SH3D19: variants seen among roughly 807,000 people sequenced by gnomAD.
SH3D19 encodes SH3 domain containing 19.
SH3D19 carries 58 observed loss-of-function variants against 112.1 expected under a neutral mutation model. The ratio of observed to expected loss-of-function variants is 0.52; its 90% CI spans 0.42 to 0.64. The LOEUF is 0.64. SH3D19 is among the 30% of genes least tolerant of loss of function. The probability of loss-of-function intolerance (pLI) is 0.00; values close to 1 mark genes in which losing one functional copy is unlikely to be tolerated. For synonymous variants in SH3D19, 391 were observed against 448.5 expected (o/e 0.87, Z 1.62); for missense variants, 1,090 against 1,263.4 (o/e 0.86, Z 2.08).
At chr4:151,312,171 T>C (rs992390116) in intron 1 of SH3D19, among the ~76,000 whole-genome samples, 3 of 152,102 alleles carry the variant, frequency 2.0e-5, no homozygotes, top group Non-Finnish European at 4.4e-5. Flanking sequence ...TCAATTTTCA[T>C]TAGTGAATTA....
intron 1 of SH3D19, among the ~76,000 whole-genome samples, chr4:151,310,484 TAC>T (rs1729340890): frequency 6.6e-6 from 1 of 152,046 alleles, no homozygotes; most frequent in Admixed American, 6.6e-5. Context: ...TGGAAAACAG[TAC>T]AGAGGTTCCT....
intron 9 of SH3D19, among the ~76,000 whole-genome samples, chr4:151,150,114 G>A (rs1273479526): frequency 7.2e-6 from 1 of 139,542 alleles, no homozygotes; most frequent in Non-Finnish European, 1.5e-5. Flanking sequence ...GAACCCAGGA[G>A]GCAGAGGTTG....
At chr4:151,193,701 G>A (rs1180298136) in intron 2 of SH3D19, among the ~76,000 whole-genome samples, 3 of 152,130 alleles carry the variant, frequency 2.0e-5, no homozygotes, top group Non-Finnish European at 4.4e-5. Flanking sequence ...TTTGGGAAGA[G>A]GTATGGTGCA....
At chr4:151,275,825 C>CTATTAT (rs1200765508) in intron 1 of SH3D19, among the ~76,000 whole-genome samples, 10 of 144,126 alleles carry the variant, frequency 6.9e-5, no homozygotes, top group African/African-American at 2.3e-4. Context: ...CCAGCCACTT[C>CTATTAT]TATTATTATT....
At chr4:151,313,137 C>T (rs1046355844) in intron 1 of SH3D19, among the ~76,000 whole-genome samples, 1 of 149,430 alleles carries the variant, frequency 6.7e-6, no homozygotes, top group Non-Finnish European at 1.5e-5. Context: ...AAACCTACTA[C>T]ATCATATCTG....
intron 1 of SH3D19, among the ~76,000 whole-genome samples, chr4:151,244,452 A>G (rs1770788609): frequency 6.6e-6 from 1 of 152,240 alleles, no homozygotes; most frequent in African/African-American, 2.4e-5. Flanking sequence ...ACTTGCTTCT[A>G]AGTTGTTTCT....
At chr4:151,307,141 C>T (rs1177274718) in intron 1 of SH3D19, among the ~76,000 whole-genome samples, 7 of 151,120 alleles carry the variant, frequency 4.6e-5, no homozygotes, top group African/African-American at 1.7e-4. Context: ...GCCTCAGCCT[C>T]CCAAGTAGCT....
chr4:151,163,294 T>C (rs963827283), intron 8 of SH3D19, among the ~76,000 whole-genome samples: 1 of 152,236 alleles, frequency 6.6e-6, no homozygotes, highest in Non-Finnish European at 1.5e-5. Context: ...TTGAGTCCTG[T>C]GAGTCCTCCT....
At chr4:151,157,959 T>C (rs1032625637) in intron 9 of SH3D19, among the ~76,000 whole-genome samples, 13 of 152,016 alleles carry the variant, frequency 8.6e-5, no homozygotes, top group African/African-American at 2.2e-4. Flanking sequence ...AAGGGAGAGA[T>C]AGGGAGCTTT....
At position 151,120,434 on chromosome 4, in the gene SH3D19, A is replaced by G. The variant is rs1030267630; in HGVS notation, c.*1657T>C. 1 of 152,626 alleles carries G rather than the reference A, an allele frequency of 6.6e-6. No individual in the cohort carries two copies. Among genetic ancestry groups the G allele is most frequent in the African/African-American group, 2.4e-5 (1 of 41,456 alleles). 9.5% of individuals were successfully genotyped at this position (152,626 alleles called of 1,614,324 possible). A position where few individuals can be genotyped will look rare whatever the true frequency, so the allele number is the denominator to read the frequency against. ...ATCTTCAATATAAGATGTTAAAATT[A>G]TAAAGGCAAAGATATATACCTCATG... is the stretch of plus-strand genomic sequence containing the variant. On this transcript the variant is annotated 3_prime_UTR_variant, in exon 20 of 20. Transcript: ENST00000604030.
chr4:151,253,357 A>G (rs573650346), intron 1 of SH3D19, among the ~76,000 whole-genome samples: 1 of 152,338 alleles, frequency 6.6e-6, no homozygotes, highest in South Asian at 2.1e-4. Context: ...CTCTGCTCAG[A>G]AATCACCTCA....
At chr4:151,138,895 T>G (rs1321067892) in intron 13 of SH3D19, among the ~76,000 whole-genome samples, 1 of 152,182 alleles carries the variant, frequency 6.6e-6, no homozygotes, top group African/African-American at 2.4e-5. Context: ...CGGCACAATC[T>G]TAGCTCATTG....
At chr4:151,180,419 T>TC (rs1399766831) in intron 3 of SH3D19, among the ~76,000 whole-genome samples, 2 of 150,046 alleles carry the variant, frequency 1.3e-5, no homozygotes, top group East Asian at 1.9e-4. Flanking sequence ...TTCTTTTTTT[T>TC]TTTTTTTGAG....
At chr4:151,200,936 C>A (rs926960917) in intron 2 of SH3D19, among the ~76,000 whole-genome samples, 1 of 152,182 alleles carries the variant, frequency 6.6e-6, no homozygotes, top group African/African-American at 2.4e-5. Context: ...GCTCAGAGAG[C>A]GAGTTGCTCA....
At chr4:151,211,210 C>T (rs1280565095) in intron 2 of SH3D19, among the ~76,000 whole-genome samples, 1 of 150,496 alleles carries the variant, frequency 6.6e-6, no homozygotes, top group African/African-American at 2.5e-5. Flanking sequence ...GCAGAAGTTG[C>T]AGTGAGCCAA....
At chr4:151,122,932 A>ACCT (rs1748334145) in intron 19 of SH3D19, among the ~76,000 whole-genome samples, 1 of 149,136 alleles carries the variant, frequency 6.7e-6, no homozygotes, top group Non-Finnish European at 1.5e-5. Context: ...GCTCACTGCA[A>ACCT]CCTCTGCCTC....
intron 1 of SH3D19, among the ~76,000 whole-genome samples, chr4:151,234,186 A>C (rs1346638504): frequency 6.6e-6 from 1 of 152,248 alleles, no homozygotes. Flanking sequence ...AAACTACAGC[A>C]CATTTGAACT....
At chr4:151,163,668 C>A (rs1757521098) in intron 8 of SH3D19, among the ~76,000 whole-genome samples, 1 of 151,772 alleles carries the variant, frequency 6.6e-6, no homozygotes, top group Non-Finnish European at 1.5e-5. Flanking sequence ...GCAACCTCCA[C>A]CTCCTGGGTT....
chr4:151,239,556 T>C (rs1246902296), intron 1 of SH3D19, among the ~76,000 whole-genome samples: 2 of 152,298 alleles, frequency 1.3e-5, no homozygotes, highest in East Asian at 3.9e-4. Flanking sequence ...ATAATATTCA[T>C]GTAATGAAAA....
Sources: allele counts gnomAD v4.1 joint callset (sites outside exome capture counted in the v4.1 genomes callset), GRCh38; gene constraint gnomAD v4.1.1; transcripts MANE v1.5; gene names NCBI Gene and HGNC (gene_info 2026-07-23, HGNC 2026-07-21).